FBXO34: variants seen among roughly 807,000 people sequenced by gnomAD.
The protein encoded by FBXO34 is F-box only protein 34.
In FBXO34, 12 loss-of-function variants were observed where a neutral mutation model predicts 24.5. The observed-to-expected ratio is 0.49, with a 90% CI of 0.31 to 0.79. The LOEUF (loss-of-function observed/expected upper bound fraction) is 0.79, where lower values mean the gene tolerates loss of function less well. FBXO34 is among the 30% of genes least tolerant of loss of function. The pLI, the probability that FBXO34 is intolerant of heterozygous loss-of-function variation, is 0.04. For synonymous variants in FBXO34, 320 were observed against 311.9 expected (o/e 1.03, Z -0.27); for missense variants, 823 against 857.7 (o/e 0.96, Z 0.51).
At chr14:55,318,747 C>T (rs1883027058) in intron 1 of FBXO34, among the ~76,000 whole-genome samples, 3 of 151,958 alleles carry the variant, frequency 2.0e-5, no homozygotes, top group Non-Finnish European at 2.9e-5. Flanking sequence ...ATTGTTTGGT[C>T]TTGAGAATTG....
At chr14:55,396,361 A>G in the FBXO34 span, among the ~76,000 whole-genome samples, 26 of 152,228 alleles carry the variant, frequency 1.7e-4, no homozygotes, top group Non-Finnish European at 2.5e-4. Context: ...TATTGGTTCT[A>G]TGGAATAAAA....
chr14:55,291,042 G>A (rs879678295), intron 1 of FBXO34, among the ~76,000 whole-genome samples: 19 of 151,910 alleles, frequency 1.3e-4, no homozygotes, highest in African/African-American at 2.2e-4. Flanking sequence ...GGCCATGCTC[G>A]TCTTGAACTC....
chr14:55,313,031 T>C (rs1169551465), intron 1 of FBXO34, among the ~76,000 whole-genome samples: 1 of 152,266 alleles, frequency 6.6e-6, no homozygotes, highest in Non-Finnish European at 1.5e-5. Flanking sequence ...CAAACTTTTA[T>C]GCTCTGCTTC....
downstream of FBXO34, chr14:55,369,161 T>TAAAG (rs2059507738): frequency 1.3e-5 from 2 of 153,114 alleles, no homozygotes; most frequent in Admixed American, 1.3e-4. Flanking sequence ...AAACTCTTAT[T>TAAAG]AAAGAGCTTT....
chr14:55,283,473 T>C (rs1474640085), intron 1 of FBXO34, among the ~76,000 whole-genome samples: 2 of 150,914 alleles, frequency 1.3e-5, no homozygotes, highest in African/African-American at 4.9e-5. Context: ...TTCTTTCTTT[T>C]TTTTTTTTTT....
the FBXO34 span, among the ~76,000 whole-genome samples, chr14:55,376,329 C>A: frequency 6.6e-6 from 1 of 152,188 alleles, no homozygotes; most frequent in Non-Finnish European, 1.5e-5. Context: ...GAGCCCTTTA[C>A]AGGTAAGGTA....
chr14:55,437,068 A>G, the FBXO34 span: 18 of 1,517,694 alleles, frequency 1.2e-5, no homozygotes, highest in Non-Finnish European at 1.6e-5. Context: ...ACAGAACAGC[A>G]TGTTACACAA....
chr14:55,370,460 A>G (rs1289755795), downstream of FBXO34, among the ~76,000 whole-genome samples: 3 of 152,338 alleles, frequency 2.0e-5, no homozygotes, highest in Middle Eastern at 3.4e-3. Flanking sequence ...TGTTTAGAAT[A>G]TATTCAGAGG....
At chr14:55,309,804 G>A (rs1480757326) in intron 1 of FBXO34, among the ~76,000 whole-genome samples, 23 of 152,152 alleles carry the variant, frequency 1.5e-4, no homozygotes. Context: ...AAACTCAGTA[G>A]CTTCATTGTG....
At chr14:55,423,129 T>C in the FBXO34 span, among the ~76,000 whole-genome samples, 1 of 152,188 alleles carries the variant, frequency 6.6e-6, no homozygotes, top group Non-Finnish European at 1.5e-5. Flanking sequence ...GACAAAATGC[T>C]ATTTATTGGA....
intron 1 of FBXO34, among the ~76,000 whole-genome samples, chr14:55,310,088 AC>A (rs1165696675): frequency 6.6e-5 from 10 of 152,174 alleles, no homozygotes; most frequent in Non-Finnish European, 1.3e-4. Context: ...AAAACAAAAA[AC>A]TTGAGTTGCT....
chr14:55,352,599 C>A lies in FBXO34; in HGVS notation c.*73C>A. The A allele has an allele frequency of 8.0e-7, 1 of 1,247,176 alleles. No homozygotes were observed. Among genetic ancestry groups the A allele is most frequent in the Non-Finnish European group, 1.1e-6 (1 of 904,188 alleles). 77.3% of individuals were successfully genotyped at this position (1,247,176 alleles called of 1,614,324 possible). ...CACCTAGATACACCGTTCAAATGAG[C>A]GTAGCCCCCTGAGTCATCACTCTAG... On this transcript the variant is annotated 3_prime_UTR_variant, in exon 2 of 2. Coordinates refer to ENST00000313833, the MANE Select transcript of FBXO34 (RefSeq NM_017943.4).
chr14:55,285,372 G>GA (rs767378503), intron 1 of FBXO34: 1,499 of 139,288 alleles, frequency 0.011, 22 homozygotes, highest in East Asian at 0.066. Flanking sequence ...CTCTGTCTCA[G>GA]AAAAAAAAAA....
chr14:55,402,157 C>T, the FBXO34 span, among the ~76,000 whole-genome samples: 34 of 152,196 alleles, frequency 2.2e-4, no homozygotes, highest in South Asian at 6.2e-4. Flanking sequence ...CTAGCCTCAC[C>T]GTAACACCCA....
chr14:55,380,875 A>ATTTTT, the FBXO34 span, among the ~76,000 whole-genome samples: 7 of 112,702 alleles, frequency 6.2e-5, no homozygotes, highest in African/African-American at 2.7e-4. Flanking sequence ...ATATATATAT[A>ATTTTT]TTTTTTTTTT....
chr14:55,301,598 G>A (rs933336855), intron 1 of FBXO34, among the ~76,000 whole-genome samples: 13 of 152,212 alleles, frequency 8.5e-5, no homozygotes, highest in African/African-American at 3.1e-4. Flanking sequence ...TAGGTCTTGA[G>A]TGAGAAAGTA....
downstream of FBXO34, among the ~76,000 whole-genome samples, chr14:55,370,345 A>C (rs1292567568): frequency 6.6e-6 from 1 of 152,230 alleles, no homozygotes; most frequent in African/African-American, 2.4e-5. Flanking sequence ...TTAGTGTAAT[A>C]AGTAATAAAT....
At chr14:55,354,328 G>A (rs1375239325), downstream of FBXO34, among the ~76,000 whole-genome samples, 1 of 152,160 alleles carries the variant, frequency 6.6e-6, no homozygotes, top group Non-Finnish European at 1.5e-5. Flanking sequence ...CATCTCAGTA[G>A]TGCCTTCTTA....
the FBXO34 span, among the ~76,000 whole-genome samples, chr14:55,379,304 G>A: frequency 1.3e-5 from 2 of 152,132 alleles, no homozygotes; most frequent in Non-Finnish European, 2.9e-5. Flanking sequence ...GGGAGGCAGA[G>A]GAGGGCGGAT....
Sources: gnomAD v4.1 joint callset for allele counts (sites outside exome capture counted in the v4.1 genomes callset) on GRCh38, gnomAD v4.1.1 for gene constraint, MANE v1.5 for transcripts, NCBI Gene and HGNC (gene_info 2026-07-23, HGNC 2026-07-21) for gene names.